The following MIP variants were observed in gnomAD, a reference collection of about 807,000 sequenced individuals.
MIP encodes major intrinsic protein of lens fiber.
MIP carries 14 observed loss-of-function variants against 21.8 expected under a neutral mutation model. That is an observed-to-expected ratio of 0.64 (90% CI 0.42 to 1.00). The LOEUF is 1.00. MIP is among the 50% of genes least tolerant of loss of function. The pLI, the probability that MIP is intolerant of heterozygous loss-of-function variation, is 0.00. For synonymous variants in MIP, 133 were observed against 141.4 expected (o/e 0.94, Z 0.42); for missense variants, 260 against 333.5 (o/e 0.78, Z 1.72).
chr12:56,453,890 C>T (rs1412897283), intron 1 of MIP, 135 bp from the exon 2 acceptor site: 28 of 897,042 alleles, frequency 3.1e-5, no homozygotes, highest in African/African-American at 5.0e-5. Flanking sequence ...CCTTCATAAT[C>T]ATTGTATTTG....
At chr12:56,455,275 C>A (rs564207755), upstream of MIP, among the ~76,000 whole-genome samples, 6 of 152,222 alleles carry the variant, frequency 3.9e-5, no homozygotes, top group South Asian at 1.2e-3. Context: ...TTCCCTACCC[C>A]CAGTCCATGA....
chr12:56,454,348 T>G lies in MIP; in HGVS notation c.266A>C (p.Tyr89Ser). Residue 89 changes from tyrosine (Y) to serine (S), a missense_variant, in exon 1 of 4, where the codon TAT (tyrosine) becomes TCT (serine). Physicochemically the swap from Tyr to Ser is moderately radical, Grantham distance 144. Transcript: ENST00000652304. ...SQMSLLRAFC[Y>S]MAAQLLGAVA... ...AGCTCCCAGGAGCTGGGCTGCCATA[T>G]AGCAGAAGGCACGGAGCAGGGACAT... The G allele has an allele frequency of 6.2e-7, 1 of 1,613,976 alleles. No individual in the cohort carries two copies. Among genetic ancestry groups the G allele is most frequent in the Non-Finnish European group, 8.5e-7 (1 of 1,180,014 alleles).
chr12:56,452,833 A>G (rs532145706), intron 3 of MIP: 23 of 562,408 alleles, frequency 4.1e-5, no homozygotes, highest in African/African-American at 7.5e-5. Flanking sequence ...CAACCAGTGA[A>G]TACTCAGTGC....
At chr12:56,453,899 T>G in intron 1 of MIP, 144 bp from the exon 2 acceptor site, 1 of 860,156 alleles carries the variant, frequency 1.2e-6, no homozygotes, top group Non-Finnish European at 1.9e-6. Flanking sequence ...TCATTGTATT[T>G]GCATCTTACC....
At chr12:56,454,075 A>C (rs571509549) in intron 1 of MIP, among the ~76,000 whole-genome samples, 179 bp downstream of exon 1, 1 of 152,288 alleles carries the variant, frequency 6.6e-6, no homozygotes, top group South Asian at 2.1e-4. Flanking sequence ...CCAGGGCCCT[A>C]TGCCTTCCTT....
intron 3 of MIP, 111 bp from the exon 4 acceptor site, chr12:56,451,576 C>T (rs1292889080): frequency 8.8e-6 from 7 of 799,654 alleles, no homozygotes; most frequent in Non-Finnish European, 1.1e-5. Context: ...TTGATATCTA[C>T]AATAAACTCA....
At chr12:56,455,478 T>C (rs2136167588), upstream of MIP, among the ~76,000 whole-genome samples, 1 of 152,232 alleles carries the variant, frequency 6.6e-6, no homozygotes, top group East Asian at 1.9e-4. Flanking sequence ...CAAGAAGTAC[T>C]GAAAGGAAGG....
chr12:56,454,413 G>T lies in MIP; in HGVS notation c.201C>A (p.Val67=). The T allele has an allele frequency of 6.2e-7, 1 of 1,614,194 alleles. No homozygotes were observed. Residue 67 remains valine, a synonymous_variant, in exon 1 of 4, where the codon GTC becomes GTA. Coordinates refer to ENST00000652304, the MANE Select transcript of MIP (RefSeq NM_012064.4). ...GGAAAGCAAAAGTGACTGCAGGATT[G>T]ACGTGGGCTCCACTGATGTGGCCCA... is the stretch of plus-strand genomic sequence containing the variant. ...QSVGHISGAH[V]NPAVTFAFLV...
chr12:56,456,391 C>A (rs771861393), upstream of MIP, among the ~76,000 whole-genome samples: 14 of 152,192 alleles, frequency 9.2e-5, no homozygotes, highest in Non-Finnish European at 1.5e-4. Context: ...AATCTCAGCA[C>A]TTTGGGAGGC....
upstream of MIP, among the ~76,000 whole-genome samples, chr12:56,456,541 G>A (rs541856571): frequency 2.0e-5 from 3 of 151,670 alleles, no homozygotes; most frequent in South Asian, 6.2e-4. Context: ...GGGAGGTTGA[G>A]GCAGGAGAAT....
chr12:56,451,452 C>G lies in MIP; in HGVS notation c.620G>C (p.Gly207Ala). Reference sequence around the variant, plus strand: ...GCCCAGACCCCCTCCAATGATTGGGCCTACCCAGTACACCTGTAGAAAGAG... The same window carrying G: ...GCCCAGACCCCCTCCAATGATTGGGGCTACCCAGTACACCTGTAGAAAGAG... ...NFTNHWVYWV[G>A]PIIGGGLGSL... The change falls in exon 4 of 4, where the codon GGC becomes GCC. Residue 207 changes from glycine to alanine, a missense_variant. Coordinates refer to ENST00000652304, the MANE Select transcript of MIP (RefSeq NM_012064.4). 6.2e-7 allele frequency: 1 copy of G among 1,614,078 alleles called. No homozygotes were observed. The highest frequency in any genetic ancestry group is 8.5e-7 in the Non-Finnish European group (1 of 1,180,020).
chr12:56,456,405 C>T (rs1413051223), upstream of MIP, among the ~76,000 whole-genome samples: 5 of 152,170 alleles, frequency 3.3e-5, no homozygotes, highest in Admixed American at 6.5e-5. Context: ...GGGAGGCCAA[C>T]GCGGGTGGAT....
At position 56,451,165 on chromosome 12, in the gene MIP, TA is replaced by T; in HGVS notation, c.*114del. 1 of 853,126 alleles carries T rather than the reference TA, an allele frequency of 1.2e-6. No individual in the cohort carries two copies. Among genetic ancestry groups the T allele is most frequent in the Non-Finnish European group, 1.9e-6 (1 of 536,338 alleles). 52.8% of individuals were successfully genotyped at this position (853,126 alleles called of 1,614,324 possible). On this transcript the variant is annotated 3_prime_UTR_variant, in exon 4 of 4. Transcript: ENST00000652304. ...AAAAAAAACAACCACATACATAAGT[TA>T]AAAAATAAAGAAGTACATGACCCTC...
At position 56,453,639 on chromosome 12, in the gene MIP, G is replaced by A. The variant is rs201317497; in HGVS notation, c.477C>T (p.Ser159=). 7.4e-6 allele frequency: 12 copies of A among 1,614,240 alleles called. No individual in the cohort carries two copies. In the Admixed American group the frequency reaches 1.3e-4, roughly 18 times the overall value. ...YDERRNGQLG[S]VALAVGFSLA... is the part of the protein sequence containing the mutation. ...GGGAGAAGCCAACGGCCAGGGCCAC[G>A]GAGCCCAGTTGGCCATTCCGCCTCT... The change falls in exon 2 of 4, where the codon TCC becomes TCT. Residue 159 remains serine, a synonymous_variant. Coordinates refer to ENST00000652304, the MANE Select transcript of MIP (RefSeq NM_012064.4).
intron 2 of MIP, 31 bp from the exon 3 acceptor site, chr12:56,453,183 C>T (rs1219059411): frequency 2.0e-6 from 3 of 1,469,494 alleles, no homozygotes; most frequent in Non-Finnish European, 2.9e-6. Flanking sequence ...ACTGAGACAC[C>T]CCCCTACTGC....
At position 56,453,727 on chromosome 12, in the gene MIP, G is replaced by T. The variant is rs761719502; in HGVS notation, c.389C>A (p.Ala130Glu). 1.2e-6 allele frequency: 2 copies of T among 1,614,090 alleles called. No individual in the cohort carries two copies. The highest frequency in any genetic ancestry group is 2.2e-5 in the East Asian group (1 of 44,884). ...TLHPAVSVGQATTVEIFLTLQ... is the reference protein window; with the variant it reads ...TLHPAVSVGQETTVEIFLTLQ... ...CGTCAGGAAGATCTCCACTGTGGTTGCCTGGCCCACGCTCACCGCAGGGTG... is the reference window on the plus strand; with the variant it reads ...CGTCAGGAAGATCTCCACTGTGGTTTCCTGGCCCACGCTCACCGCAGGGTG... Residue 130 changes from alanine to glutamate, a missense_variant, in exon 2 of 4, where the codon GCA becomes GAA. Coordinates refer to ENST00000652304, the MANE Select transcript of MIP (RefSeq NM_012064.4).
In MIP at chr12:56,451,164, T is replaced by C; in HGVS notation, c.*116A>G. On this transcript the variant is annotated 3_prime_UTR_variant, in exon 4 of 4. Transcript: ENST00000652304. ...AAAAAAAAACAACCACATACATAAGTTAAAAAATAAAGAAGTACATGACCC... is the reference window on the plus strand; with the variant it reads ...AAAAAAAAACAACCACATACATAAGCTAAAAAATAAAGAAGTACATGACCC... 2.4e-6 allele frequency: 2 copies of C among 837,488 alleles called. No homozygotes were observed. Among genetic ancestry groups the C allele is most frequent in the Non-Finnish European group, 3.8e-6 (2 of 523,976 alleles). The allele number at this position is 837,488 out of a possible 1,614,324, so 51.9% of individuals were successfully genotyped here.
chr12:56,455,810 A>G (rs1868775213), upstream of MIP, among the ~76,000 whole-genome samples: 1 of 152,182 alleles, frequency 6.6e-6, no homozygotes, highest in South Asian at 2.1e-4. Context: ...AACTTTTCTC[A>G]TGAAGCACCA....
In MIP at chr12:56,450,665, T is replaced by C. The variant is rs17118657; in HGVS notation, c.*615A>G. The C allele has an allele frequency of 0.044, 6,778 of 153,032 alleles. 492 individuals are homozygous for C. Among genetic ancestry groups the C allele is most frequent in the African/African-American group, 0.15 (6,257 of 41,490 alleles). The allele number at this position is 153,032 out of a possible 1,614,324, so 9.5% of individuals were successfully genotyped here. On this transcript the variant is annotated 3_prime_UTR_variant, in exon 4 of 4. Coordinates refer to ENST00000652304, the MANE Select transcript of MIP (RefSeq NM_012064.4). ...CTGGGGCAAGCATCCCTAAGATAAG[T>C]AGGCTATATATTCCCATTAACTTCC...
Sources: gnomAD v4.1 joint callset for allele counts (sites outside exome capture counted in the v4.1 genomes callset) on GRCh38, gnomAD v4.1.1 for gene constraint, MANE v1.5 for transcripts, NCBI Gene and HGNC (gene_info 2026-07-23, HGNC 2026-07-21) for gene names.